Variants in AP1M1 observed in about 807,000 individuals in gnomAD.
The protein encoded by AP1M1 is adaptor related protein complex 1 subunit mu 1.
A neutral mutation model predicts 57.1 loss-of-function variants in AP1M1; 18 were observed. The observed-to-expected ratio is 0.32, with a 90% CI of 0.22 to 0.47. The LOEUF is 0.47. AP1M1 is among the 20% of genes least tolerant of loss of function. The pLI is 1.00. For missense variants in AP1M1, 362 were observed against 593.5 expected (o/e 0.61, Z 4.05); for synonymous variants, 241 against 237.9 (o/e 1.01, Z -0.12).
intron 5 of AP1M1, among the ~76,000 whole-genome samples, chr19:16,215,213 GA>G (rs1372022413): frequency 0.036 from 375 of 10,478 alleles, 40 homozygotes; most frequent in African/African-American, 0.073. Flanking sequence ...GGGGGGGGGA[GA>G]GGGGGGAGGG....
intron 5 of AP1M1, among the ~76,000 whole-genome samples, chr19:16,219,000 A>G (rs1206332657): frequency 6.6e-6 from 1 of 151,368 alleles, no homozygotes; most frequent in Non-Finnish European, 1.5e-5. Flanking sequence ...TGTTAGCTGT[A>G]GGTTTATTAT....
rs530348249 is a variant in AP1M1 at position 16,228,305 on chromosome 19, C to G, written c.888+97C>G. On this transcript the variant is annotated intron_variant, in intron 8 of 11. Transcript: ENST00000291439. The surrounding 1 kb of genome is among the most constrained non-coding windows in gnomAD (Gnocchi z 5.0). The stretch of plus-strand genomic sequence containing the variant: ...CTGGGGGTGCCGTAGGGCTGCCATC[C>G]GTGCACCCTCACTGTGGCCTCAGAT... 1.6e-6 allele frequency: 2 copies of G among 1,240,832 alleles called. No individual in the cohort carries two copies. Among genetic ancestry groups the G allele is most frequent in the South Asian group, 2.5e-5 (2 of 79,890 alleles). 76.9% of individuals were successfully genotyped at this position (1,240,832 alleles called of 1,614,324 possible). A position where few individuals can be genotyped will look rare whatever the true frequency, so the allele number is the denominator to read the frequency against.
chr19:16,231,513 T>A (rs1289872492), intron 9 of AP1M1, among the ~76,000 whole-genome samples: 1 of 151,746 alleles, frequency 6.6e-6, no homozygotes, highest in Non-Finnish European at 1.5e-5. Context: ...TTGCTGCAAC[T>A]CCACCTCCCG....
At chr19:16,233,993 T>A (rs1159378114) in intron 10 of AP1M1, 1 of 595,470 alleles carries the variant, frequency 1.7e-6, no homozygotes, top group Non-Finnish European at 2.9e-6. Context: ...AGCCACATCC[T>A]GGCTGCTCAC....
chr19:16,215,801 C>A (rs1455390252), intron 5 of AP1M1, among the ~76,000 whole-genome samples: 1 of 152,146 alleles, frequency 6.6e-6, no homozygotes, highest in Admixed American at 6.5e-5. Flanking sequence ...TTCAGGGACA[C>A]CAATGAGTTG....
At chr19:16,220,204 C>A (rs866044400) in intron 5 of AP1M1, among the ~76,000 whole-genome samples, 103 of 151,726 alleles carry the variant, frequency 6.8e-4, no homozygotes, top group African/African-American at 2.3e-3. Flanking sequence ...CTATTAATTT[C>A]AAAAAAAAGT....
Position 16,243,214 on chromosome 19 carries a change from T to C in AP1M1, c.*8779T>C, listed in dbSNP as rs2091651364. The C allele has an allele frequency of 6.6e-6, 1 of 152,056 alleles. No homozygotes were observed. Among genetic ancestry groups the C allele is most frequent in the African/African-American group, 2.4e-5 (1 of 41,430 alleles). The allele number at this position is 152,056 out of a possible 1,614,324, so 9.4% of individuals were successfully genotyped here. ...TAGTTAGAATTCAACAAGAAATAAATTACTTTAAAATATTTCCAAATATGA... is the reference window on the plus strand; with the variant it reads ...TAGTTAGAATTCAACAAGAAATAAACTACTTTAAAATATTTCCAAATATGA... On this transcript the variant is annotated 3_prime_UTR_variant, in exon 12 of 12. Transcript: ENST00000291439.
chr19:16,231,452 G>C (rs1274914125), intron 9 of AP1M1, among the ~76,000 whole-genome samples: 1 of 151,642 alleles, frequency 6.6e-6, no homozygotes, highest in African/African-American at 2.4e-5. Context: ...TGTTGCCCAG[G>C]CTGGAGTGCA....
Position 16,208,363 on chromosome 19 carries a change from C to T in AP1M1, c.398+214C>T, listed in dbSNP as rs186392531. On this transcript the variant is annotated intron_variant, in intron 4 of 11. Coordinates refer to ENST00000291439, the MANE Select transcript of AP1M1 (RefSeq NM_032493.4). ...CCACATAACCGTGCTTTTCCTGCTC[C>T]TCATCTTTACTCTCCATCCACACAG... The T allele has an allele frequency of 5.4e-3, 2,433 of 451,884 alleles. 14 individuals carry two copies. The highest frequency in any genetic ancestry group is 0.016 in the Middle Eastern group (27 of 1,652). 28.0% of individuals were successfully genotyped at this position (451,884 alleles called of 1,614,324 possible).
chr19:16,233,268 C>T (rs2279061), intron 9 of AP1M1, among the ~76,000 whole-genome samples: 12,610 of 152,266 alleles, frequency 0.083, 786 homozygotes, highest in East Asian at 0.26. Context: ...CAGCTCTGGG[C>T]GCCTGGGTAT....
Position 16,241,979 on chromosome 19 carries a change from G to C in AP1M1, c.*7544G>C, listed in dbSNP as rs1193584636. The C allele has an allele frequency of 6.6e-6, 1 of 150,588 alleles. No individual in the cohort carries two copies. The highest frequency in any genetic ancestry group is 2.5e-5 in the African/African-American group (1 of 40,696). 9.3% of individuals were successfully genotyped at this position (150,588 alleles called of 1,614,324 possible). Reference sequence around the variant, plus strand: ...TTGCACTCCAGCCTGGGCAATGAGCGAAACTCCATCTCAAAAAAAAAAAGA... The same window carrying C: ...TTGCACTCCAGCCTGGGCAATGAGCCAAACTCCATCTCAAAAAAAAAAAGA... On this transcript the variant is annotated 3_prime_UTR_variant, in exon 12 of 12. Transcript: ENST00000291439.
intron 5 of AP1M1, chr19:16,210,265 T>TG (rs1278099095): frequency 1.6e-5 from 11 of 668,328 alleles, no homozygotes; most frequent in Non-Finnish European, 2.8e-5. Flanking sequence ...GAAGGACATT[T>TG]GGGTGGTTTT....
intron 5 of AP1M1, among the ~76,000 whole-genome samples, chr19:16,225,641 C>T (rs535803009): frequency 6.6e-6 from 1 of 152,352 alleles, no homozygotes; most frequent in South Asian, 2.1e-4. Flanking sequence ...CATCTCCCCA[C>T]AGTCCCTGCC....
chr19:16,209,801 GT>G (rs1237078272), intron 5 of AP1M1, among the ~76,000 whole-genome samples: 1 of 152,214 alleles, frequency 6.6e-6, no homozygotes, highest in African/African-American at 2.4e-5. Context: ...TGTTGTTTGG[GT>G]TTTGATTTTG....
intron 9 of AP1M1, among the ~76,000 whole-genome samples, chr19:16,232,214 G>A (rs1383339824): frequency 1.3e-5 from 2 of 152,202 alleles, no homozygotes; most frequent in African/African-American, 4.8e-5. Context: ...GTCTGCCTTT[G>A]GCAGCACGCC....
rs1276067580 is a variant in AP1M1 at position 16,228,460 on chromosome 19, T to G, written c.888+252T>G. Among the ~76,000 whole-genome samples the G allele has an allele frequency of 6.6e-6, 1 of 152,176 alleles. No individual in the cohort carries two copies. Among genetic ancestry groups the G allele is most frequent in the Admixed American group, 6.5e-5 (1 of 15,288 alleles). On this transcript the variant is annotated intron_variant, in intron 8 of 11. Transcript: ENST00000291439. This position sits in a 1 kb window ranked among gnomAD's most constrained non-coding sequence, Gnocchi z 5.0. ...GTGTTGCCCCCAGGTGGAGCACCTC[T>G]GCCCCTCAGCGACCCTGTCCAGCGC...
Position 16,207,848 on chromosome 19 carries a change from G to A in AP1M1, c.268-171G>A, listed in dbSNP as rs1406611793. Among the ~76,000 whole-genome samples, 2 of 152,144 alleles carry A rather than the reference G, an allele frequency of 1.3e-5. No homozygotes were observed. The highest frequency in any genetic ancestry group is 2.9e-5 in the Non-Finnish European group (2 of 68,026). ...CCCCACCCCACAGCCAGCCACTGCT[G>A]TCCTGCCCCATAACCTGGGTCCAGG... On this transcript the variant is annotated intron_variant, in intron 3 of 11. Coordinates refer to ENST00000291439, the MANE Select transcript of AP1M1 (RefSeq NM_032493.4). This position sits in a 1 kb window ranked among gnomAD's most constrained non-coding sequence, Gnocchi z 4.2.
At position 16,244,792 on chromosome 19, in the gene AP1M1, T is replaced by TGCAGTCC. The variant is rs1182510112; in HGVS notation, c.*10366_*10372dup. 7.4e-5 allele frequency: 11 copies of TGCAGTCC among 148,668 alleles called. No homozygotes were observed. The highest frequency in any genetic ancestry group is 1.5e-4 in the Non-Finnish European group (10 of 67,982). The allele number at this position is 148,668 out of a possible 1,614,324, so 9.2% of individuals were successfully genotyped here. A position where few individuals can be genotyped will look rare whatever the true frequency, so the allele number is the denominator to read the frequency against. On this transcript the variant is annotated 3_prime_UTR_variant, in exon 12 of 12. Coordinates refer to ENST00000291439, the MANE Select transcript of AP1M1 (RefSeq NM_032493.4). ...TTGCAGTGAGCCGAGATTGCGCCAC[T>TGCAGTCC]GCAGTCCGCAGTCCGGCCTGGGCGA...
In AP1M1 at chr19:16,244,886, TTGTTGTTG is replaced by T. The variant is rs1568359828; in HGVS notation, c.*10453_*10460del. On this transcript the variant is annotated 3_prime_UTR_variant, in exon 12 of 12. Transcript: ENST00000291439. Reference sequence around the variant, plus strand: ...TAACATGGATAAAATTTGTTGTTTGTTGTTGTTGTTGTTGTTGTTGTTGTTGTTGAGAC... The same window carrying T: ...TAACATGGATAAAATTTGTTGTTTGTTTGTTGTTGTTGTTGTTGTTGAGAC... 126 of 149,532 alleles carry T rather than the reference TTGTTGTTG, an allele frequency of 8.4e-4. No individual in the cohort carries two copies. The highest frequency in any genetic ancestry group is 2.6e-3 in the African/African-American group (106 of 40,612). 9.3% of individuals were successfully genotyped at this position (149,532 alleles called of 1,614,324 possible). A position where few individuals can be genotyped will look rare whatever the true frequency, so the allele number is the denominator to read the frequency against.
Sources: allele counts gnomAD v4.1 joint callset (sites outside exome capture counted in the v4.1 genomes callset), GRCh38; gene constraint gnomAD v4.1.1; non-coding constraint Gnocchi (gnomAD v3.1); transcripts MANE v1.5; gene names NCBI Gene and HGNC (gene_info 2026-07-23, HGNC 2026-07-21).